GOT1L1: variants seen among roughly 807,000 people sequenced by gnomAD.
GOT1L1 encodes the protein aspartate aminotransferase, cytoplasmic 2.
GOT1L1 carries 38 observed loss-of-function variants against 43.6 expected under a neutral mutation model. The observed-to-expected ratio is 0.87, with a 90% CI of 0.67 to 1.14. The LOEUF is 1.14. Among genes scored for constraint, GOT1L1 ranks in the 50% most tolerant of loss-of-function variants. The pLI is 0.00. For missense variants in GOT1L1, 482 were observed against 504.0 expected (o/e 0.96, Z 0.42); for synonymous variants, 183 against 187.2 (o/e 0.98, Z 0.18).
chr8:37,935,227 G>A lies in GOT1L1; in HGVS notation c.930-12C>T. On this transcript the variant is annotated splice_polypyrimidine_tract_variant and intron_variant, in intron 7 of 8. Transcript: ENST00000307599. ...TTAGACTCTGCTTCCTACCAAGGAA[G>A]GACAATGAGAAAGGAGGGTGTGAGG... 3 of 1,578,900 alleles carry A rather than the reference G, an allele frequency of 1.9e-6. No individual in the cohort carries two copies. The highest frequency in any genetic ancestry group is 1.2e-5 in the South Asian group (1 of 86,366).
In GOT1L1 at chr8:37,937,350, G is replaced by C; in HGVS notation, c.446C>G (p.Thr149Arg). 6.2e-7 allele frequency: 1 copy of C among 1,609,390 alleles called. No individual in the cohort carries two copies. The highest frequency in any genetic ancestry group is 8.5e-7 in the Non-Finnish European group (1 of 1,178,152). Residue 149 changes from threonine to arginine, a missense_variant, in exon 4 of 9, where the codon ACA (threonine) becomes AGA (arginine). By Grantham distance (71) the Thr-to-Arg change is moderately conservative. Transcript: ENST00000307599. The stretch of plus-strand genomic sequence containing the variant: ...GTCCCAGACAGAGTATTCATAAACT[G>C]TAAAGCCCATGTCCTGGAAGACGAG... ...HGLVFQDMGF[T>R]VYEYSVWDPK...
In GOT1L1 at chr8:37,937,384, G is replaced by T; in HGVS notation, c.412C>A (p.Leu138Met). 6.3e-7 allele frequency: 1 copy of T among 1,583,986 alleles called. No homozygotes were observed. The highest frequency in any genetic ancestry group is 8.6e-7 in the Non-Finnish European group (1 of 1,164,446). ...ATGTCCTGGAAGACGAGTCCATGCA[G>T]TTCTGTGGGAACACAGCCCCCCACT... ...IVYIISSQKE[L>M]HGLVFQDMGF... is the part of the protein sequence containing the mutation. The change falls in exon 4 of 9, where the codon CTG becomes ATG. Residue 138 changes from leucine to methionine, a missense_variant and splice_region_variant. Leu to Met is a conservative substitution (Grantham distance 15, BLOSUM62 2). Coordinates refer to ENST00000307599, the MANE Select transcript of GOT1L1 (RefSeq NM_152413.3).
chr8:37,938,866 T>C lies in GOT1L1; in HGVS notation c.131A>G (p.Glu44Gly). The change falls in exon 2 of 9, where the codon GAA becomes GGA. Residue 44 changes from glutamate (E) to glycine (G), a missense_variant. Physicochemically the swap from Glu to Gly is moderately conservative, Grantham distance 98 (BLOSUM62 -2). Transcript: ENST00000307599. Reference protein sequence around the residue: ...FLAYRVCMTNEGHPWVSLVVQ... With the variant: ...FLAYRVCMTNGGHPWVSLVVQ... ...CACGAGAGAAACCCAGGGATGGCCT[T>C]CATTTGTCATGCAGACTGTGAGGAA... 6.2e-7 allele frequency: 1 copy of C among 1,613,672 alleles called. No individual in the cohort carries two copies. Among genetic ancestry groups the C allele is most frequent in the Non-Finnish European group, 8.5e-7 (1 of 1,179,700 alleles).
chr8:37,938,583 T>C, intron 2 of GOT1L1, 117 bp downstream of exon 2: 1 of 850,450 alleles, frequency 1.2e-6, no homozygotes, highest in Non-Finnish European at 1.8e-6. Flanking sequence ...GAGCCTCAGG[T>C]ATCTCTTTTA....
At chr8:37,938,005 C>A (rs1409570505) in intron 2 of GOT1L1, among the ~76,000 whole-genome samples, 2 of 152,176 alleles carry the variant, frequency 1.3e-5, no homozygotes, top group South Asian at 2.1e-4. Context: ...CAGGCCACTG[C>A]ACTCCAGTCT....
At position 37,936,848 on chromosome 8, in the gene GOT1L1, A is replaced by G; in HGVS notation, c.635T>C (p.Phe212Ser). 1 of 1,610,920 alleles carries G rather than the reference A, an allele frequency of 6.2e-7. No homozygotes were observed. The highest frequency in any genetic ancestry group is 8.5e-7 in the Non-Finnish European group (1 of 1,177,248). ...MIKSKQIFPF[F>S]DIPCQGLYTS... ...GTATAAACCTTGACAGGGAATATCA[A>G]AAAATGGGAATATCTGCTTGCTCTG... The change falls in exon 6 of 9, where the codon TTT becomes TCT. Residue 212 changes from phenylalanine (F) to serine (S), a missense_variant. Coordinates refer to ENST00000307599, the MANE Select transcript of GOT1L1 (RefSeq NM_152413.3).
At chr8:37,939,134 C>A in intron 1 of GOT1L1, 1 of 386,146 alleles carries the variant, frequency 2.6e-6, no homozygotes, top group Non-Finnish European at 5.0e-6. Flanking sequence ...ATTATACAAG[C>A]CCAGGATTGG....
At chr8:37,935,978 C>T (rs1466126207) in intron 6 of GOT1L1, 109 bp from the exon 7 acceptor site, 5 of 1,252,254 alleles carry the variant, frequency 4.0e-6, no homozygotes, top group Non-Finnish European at 5.5e-6. Flanking sequence ...AACCACAAGG[C>T]CCTCATTGCA....
intron 3 of GOT1L1, 119 bp from the exon 4 acceptor site, chr8:37,937,505 C>G (rs1807795370): frequency 1.0e-6 from 1 of 982,414 alleles, no homozygotes; most frequent in Non-Finnish European, 1.6e-6. Flanking sequence ...AGGAAAAGGA[C>G]ATAAATAGCT....
chr8:37,937,326 T>A lies in GOT1L1; in HGVS notation c.470A>T (p.Asp157Val). The change falls in exon 4 of 9, where the codon GAC becomes GTC. Residue 157 changes from aspartate (D) to valine (V), a missense_variant. Coordinates refer to ENST00000307599, the MANE Select transcript of GOT1L1 (RefSeq NM_152413.3). ...GFTVYEYSVW[D>V]PKKLCMDPDI... ...GGGGTCCATGCATAGCTTCTTGGGG[T>A]CCCAGACAGAGTATTCATAAACTGT... 1 of 1,610,536 alleles carries A rather than the reference T, an allele frequency of 6.2e-7. No individual in the cohort carries two copies. Among genetic ancestry groups the A allele is most frequent in the Non-Finnish European group, 8.5e-7 (1 of 1,178,696 alleles).
rs950614167 is a variant in GOT1L1 at position 37,940,015 on chromosome 8, T to A, written c.15A>T (p.Ser5=). MPTL[S]VFMDVPLAHK... Reference sequence around the variant, plus strand: ...GGGCGAGGGGCACATCCATGAACACTGAAAGGGTGGGCATAACTGAAACGA... The same window carrying A: ...GGGCGAGGGGCACATCCATGAACACAGAAAGGGTGGGCATAACTGAAACGA... Residue 5 remains serine, a synonymous_variant, in exon 1 of 9, where the codon TCA becomes TCT. Transcript: ENST00000307599. 3.0e-5 allele frequency: 49 copies of A among 1,613,194 alleles called. No homozygotes were observed. The highest frequency in any genetic ancestry group is 6.7e-5 in the Admixed American group (4 of 59,898).
intron 6 of GOT1L1, among the ~76,000 whole-genome samples, chr8:37,936,477 C>A (rs1358074203): frequency 1.3e-5 from 2 of 152,054 alleles, no homozygotes; most frequent in Non-Finnish European, 2.9e-5. Context: ...ACCCTCTCAT[C>A]TTATAGTTGA....
intron 4 of GOT1L1, 90 bp from the exon 5 acceptor site, chr8:37,937,147 G>T: frequency 7.3e-7 from 1 of 1,362,120 alleles, no homozygotes; most frequent in Non-Finnish European, 1.0e-6. Context: ...CTCCATGTTA[G>T]TTACCATTGA....
In GOT1L1 at chr8:37,939,948, C is replaced by T. The variant is rs756223517; in HGVS notation, c.82G>A (p.Asp28Asn). The change falls in exon 1 of 9, where the codon GAT becomes AAT. Residue 28 changes from aspartate (D) to asparagine (N), a missense_variant. By Grantham distance (23) the Asp-to-Asn change is conservative (BLOSUM62 1). Coordinates refer to ENST00000307599, the MANE Select transcript of GOT1L1 (RefSeq NM_152413.3). ...GCTAAGAATATCTTGTTCGGGTAAT[C>T]ATCTTGTTTGTAGGTCTTTAACAAG... ...GSLLKTYKQDDYPNKIFLAYR... is the reference protein window; with the variant it reads ...GSLLKTYKQDNYPNKIFLAYR... The T allele has an allele frequency of 1.2e-6, 2 of 1,613,660 alleles. No homozygotes were observed. Among genetic ancestry groups the T allele is most frequent in the South Asian group, 1.1e-5 (1 of 91,056 alleles).
chr8:37,934,824 C>A (rs960630591), intron 8 of GOT1L1, among the ~76,000 whole-genome samples: 8 of 152,092 alleles, frequency 5.3e-5, no homozygotes, highest in Non-Finnish European at 1.5e-5. Flanking sequence ...GACCCACCCG[C>A]CTCGGCCTCT....
In GOT1L1 at chr8:37,935,807, A is replaced by G; in HGVS notation, c.826T>C (p.Ser276Pro). 1 of 1,613,028 alleles carries G rather than the reference A, an allele frequency of 6.2e-7. No individual in the cohort carries two copies. Residue 276 changes from serine (S) to proline (P), a missense_variant, in exon 7 of 9, where the codon TCC (serine) becomes CCC (proline). Transcript: ENST00000307599. ...GCCTGGGCTAATCCTTCCAGCTGGG[A>G]GAGGACACACAGCAGCTGCTGGTTG... ...VNNQQLLCVL[S>P]QLEGLAQALW...
At chr8:37,937,081 A>G in intron 4 of GOT1L1, 24 bp from the exon 5 acceptor site, 1 of 1,605,946 alleles carries the variant, frequency 6.2e-7, no homozygotes. Flanking sequence ...CGGTCTCATC[A>G]GGCTTCACCC....
rs371115927 is a variant in GOT1L1, at chr8:37,939,187, G to C, written c.116-306C>G. On this transcript the variant is annotated intron_variant, in intron 1 of 8. Transcript: ENST00000307599. ...CCCAGCACTTCGGGAGGCTAAGGTG[G>C]GTGGATCACTTGAGTTCAGGAGTTC... 5.0e-4 allele frequency among the ~76,000 whole-genome samples: 76 copies of C among 151,894 alleles called. 2 individuals carry two copies. The South Asian group carries it at 0.015, about 30-fold the overall frequency.
In GOT1L1 at chr8:37,934,337, A is replaced by G. The variant is rs1807687698; in HGVS notation, c.1222T>C (p.Cys408Arg). 1 of 1,613,182 alleles carries G rather than the reference A, an allele frequency of 6.2e-7. No homozygotes were observed. Among genetic ancestry groups the G allele is most frequent in the Non-Finnish European group, 8.5e-7 (1 of 1,179,610 alleles). ...AVLLTESSEM[C>R]LPKEKKTLIG... ...AGTGTTTTTTTTTCCTTTGGAAGAC[A>G]CATCTCTGAGCTCTCTGTGAGGAGG... The change falls in exon 9 of 9, where the codon TGT (cysteine) becomes CGT (arginine). Residue 408 changes from cysteine to arginine, a missense_variant. Physicochemically the swap from Cys to Arg is radical, Grantham distance 180 (BLOSUM62 -3). Coordinates refer to ENST00000307599, the MANE Select transcript of GOT1L1 (RefSeq NM_152413.3).
Sources: gnomAD v4.1 joint callset for allele counts (sites outside exome capture counted in the v4.1 genomes callset) on GRCh38, gnomAD v4.1.1 for gene constraint, MANE v1.5 for transcripts, NCBI Gene and HGNC (gene_info 2026-07-23, HGNC 2026-07-21) for gene names.